CEMIP2: variants seen among roughly 807,000 people sequenced by gnomAD.
CEMIP2 encodes the protein cell migration inducing hyaluronidase 2.
In CEMIP2, 79 loss-of-function variants were observed where a neutral mutation model predicts 146.9. The observed-to-expected ratio is 0.54, with a 90% CI of 0.45 to 0.65. The LOEUF (loss-of-function observed/expected upper bound fraction) is 0.65. Among genes scored for constraint, CEMIP2 ranks in the 30% least tolerant of loss-of-function variants. CEMIP2 has a pLI of 0.00. For synonymous variants in CEMIP2, 601 were observed against 606.3 expected (o/e 0.99, Z 0.13); for missense variants, 1,596 against 1,696.2 (o/e 0.94, Z 1.04).
chr9:71,687,474 G>GTGTGTGTA (rs1300360192), intron 22 of CEMIP2: 2 of 151,826 alleles, frequency 1.3e-5, no homozygotes, highest in Non-Finnish European at 2.9e-5. Context: ...GTGTGTGTGT[G>GTGTGTGTA]TGTGTGTGTG....
chr9:71,752,632 G>T (rs1323263208), intron 1 of CEMIP2, among the ~76,000 whole-genome samples: 2 of 151,916 alleles, frequency 1.3e-5, no homozygotes, highest in African/African-American at 4.8e-5. Context: ...GAGCATCTCA[G>T]AGTCACCTGA....
chr9:71,737,845 AAATAATAATATT>A (rs1269947443), intron 5 of CEMIP2, among the ~76,000 whole-genome samples: 7 of 152,322 alleles, frequency 4.6e-5, no homozygotes, highest in Non-Finnish European at 7.4e-5. Flanking sequence ...GATTTTATAC[AAATAATAATATT>A]AATAATAGTA....
intron 1 of CEMIP2, among the ~76,000 whole-genome samples, chr9:71,752,474 A>AAGGG (rs1824283835): frequency 3.0e-5 from 2 of 65,652 alleles, no homozygotes; most frequent in Non-Finnish European, 6.2e-5. Context: ...GGAAGGAAGG[A>AAGGG]AGGAAGGGGG....
At chr9:71,697,452 C>T (rs201034400) in intron 20 of CEMIP2, among the ~76,000 whole-genome samples, 6 of 151,984 alleles carry the variant, frequency 3.9e-5, no homozygotes, top group Non-Finnish European at 1.5e-5. Context: ...CAAAGTCAGT[C>T]GGTACTTTTT....
chr9:71,755,114 G>A (rs1824385793), intron 1 of CEMIP2, among the ~76,000 whole-genome samples: 1 of 150,960 alleles, frequency 6.6e-6, no homozygotes, highest in Non-Finnish European at 1.5e-5. Flanking sequence ...CACTTTATTT[G>A]GTAATAAATT....
intron 2 of CEMIP2, among the ~76,000 whole-genome samples, chr9:71,749,233 T>C (rs934927598): frequency 2.0e-5 from 3 of 152,228 alleles, no homozygotes; most frequent in African/African-American, 7.2e-5. Flanking sequence ...TCAGAACTTA[T>C]ATATCCTAAA....
At chr9:71,687,825 C>T (rs912706795) in intron 22 of CEMIP2, among the ~76,000 whole-genome samples, 1 of 152,136 alleles carries the variant, frequency 6.6e-6, no homozygotes, top group Non-Finnish European at 1.5e-5. Flanking sequence ...GTGGACACAT[C>T]ACTGCACTCC....
At chr9:71,741,981 T>G (rs899357366) in intron 4 of CEMIP2, among the ~76,000 whole-genome samples, 2 of 152,174 alleles carry the variant, frequency 1.3e-5, no homozygotes, top group Admixed American at 1.3e-4. Context: ...CTGAGAGACA[T>G]GCTCAAACTT....
intron 1 of CEMIP2, among the ~76,000 whole-genome samples, chr9:71,763,783 T>C (rs928760745): frequency 6.6e-6 from 1 of 152,252 alleles, no homozygotes; most frequent in African/African-American, 2.4e-5. Context: ...TGTTGGGAGA[T>C]AGCAATTCTG....
intron 14 of CEMIP2, among the ~76,000 whole-genome samples, chr9:71,715,292 C>T (rs1170225223): frequency 2.3e-5 from 3 of 132,732 alleles, no homozygotes; most frequent in Non-Finnish European, 3.1e-5. Context: ...ACCCAATGCT[C>T]GAGTACAATG....
chr9:71,692,973 G>C (rs1822278243), intron 21 of CEMIP2, among the ~76,000 whole-genome samples: 1 of 151,930 alleles, frequency 6.6e-6, no homozygotes, highest in African/African-American at 2.4e-5. Context: ...GTTACATAGG[G>C]ATAGTCTTAA....
chr9:71,722,277 C>T (rs1479222320), intron 12 of CEMIP2, 150 bp downstream of exon 12: 4 of 554,438 alleles, frequency 7.2e-6, no homozygotes, highest in Non-Finnish European at 9.5e-6. Flanking sequence ...CCTGGGACAA[C>T]AGAATAAGTG....
chr9:71,692,194 A>G (rs1474961431), intron 21 of CEMIP2, among the ~76,000 whole-genome samples: 1 of 151,940 alleles, frequency 6.6e-6, no homozygotes, highest in Admixed American at 6.6e-5. Flanking sequence ...ATGAATGTAA[A>G]AAGCATTGGG....
chr9:71,712,351 G>C (rs1049281658), intron 15 of CEMIP2, 91 bp from the exon 16 acceptor site: 2 of 1,299,668 alleles, frequency 1.5e-6, no homozygotes, highest in Admixed American at 2.1e-5. Flanking sequence ...CTAAATATCC[G>C]GTATGAACTA....
In CEMIP2 at chr9:71,684,853, G is replaced by T; in HGVS notation, c.*344C>A. On this transcript the variant is annotated 3_prime_UTR_variant, in exon 24 of 24. Transcript: ENST00000377044. ...AATAGCTGGTCCTCTAAAGACCTCA[G>T]GCTGACTCTCAGAAGCCCCCACTCC... 5.0e-6 allele frequency: 1 copy of T among 201,180 alleles called. No individual in the cohort carries two copies. Among genetic ancestry groups the T allele is most frequent in the East Asian group, 1.2e-4 (1 of 8,388 alleles). 12.5% of individuals were successfully genotyped at this position (201,180 alleles called of 1,614,324 possible). A position where few individuals can be genotyped will look rare whatever the true frequency, so the allele number is the denominator to read the frequency against.
intron 21 of CEMIP2, among the ~76,000 whole-genome samples, chr9:71,694,185 C>G (rs924143955): frequency 6.6e-6 from 1 of 151,852 alleles, no homozygotes; most frequent in Non-Finnish European, 1.5e-5. Flanking sequence ...TGCAGTGGCG[C>G]GATCTCAGCT....
At position 71,722,417 on chromosome 9, in the gene CEMIP2, C is replaced by T. The variant is rs1224619901; in HGVS notation, c.2267+10G>A. 2 of 1,603,536 alleles carry T rather than the reference C, an allele frequency of 1.2e-6. No homozygotes were observed. Among genetic ancestry groups the T allele is most frequent in the Non-Finnish European group, 1.7e-6 (2 of 1,176,250 alleles). On this transcript the variant is annotated intron_variant, in intron 12 of 23. Coordinates refer to ENST00000377044, the MANE Select transcript of CEMIP2 (RefSeq NM_013390.3). Reference sequence around the variant, plus strand: ...ATAGCTTGAGTGTGACTTAAAAGAGCCAGCTTTACCTTGCACTATTGTCCA... The same window carrying T: ...ATAGCTTGAGTGTGACTTAAAAGAGTCAGCTTTACCTTGCACTATTGTCCA...
chr9:71,691,804 T>TA (rs1027784397), intron 21 of CEMIP2, among the ~76,000 whole-genome samples: 46 of 150,678 alleles, frequency 3.1e-4, no homozygotes, highest in Middle Eastern at 3.4e-3. Flanking sequence ...GACACTGTCT[T>TA]AAAAAAAAAG....
intron 18 of CEMIP2, among the ~76,000 whole-genome samples, chr9:71,704,188 G>A (rs1245146654): frequency 6.6e-6 from 1 of 152,004 alleles, no homozygotes; most frequent in Non-Finnish European, 1.5e-5. Flanking sequence ...CCCCTAGCAG[G>A]CATTACTAAT....
Sources: gnomAD v4.1 joint callset for allele counts (sites outside exome capture counted in the v4.1 genomes callset) on GRCh38, gnomAD v4.1.1 for gene constraint, MANE v1.5 for transcripts, NCBI Gene and HGNC (gene_info 2026-07-23, HGNC 2026-07-21) for gene names.